The following SSX2B variants were observed in gnomAD, a reference collection of about 807,000 sequenced individuals.
The protein encoded by SSX2B is SSX family member 2B, also known as protein SSX2.
chrX:52,757,184 A>AG (rs1926271290), intron 5 of SSX2B, among the ~76,000 whole-genome samples: 1 of 5,631 alleles, frequency 1.8e-4, no homozygotes, highest in East Asian at 4.5e-3. Flanking sequence ...AAAAAAAAAA[A>AG]AAAAGAAAGA....
At chrX:52,757,159 C>CAAAAAAAAAAAA (rs55994523) in intron 5 of SSX2B, among the ~76,000 whole-genome samples, 1 of 1,804 alleles carries the variant, frequency 5.5e-4, no homozygotes, top group Non-Finnish European at 1.0e-3. Flanking sequence ...GACTCCGTCT[C>CAAAAAAAAAAAA]AAAAAAAAAA....
chrX:52,757,159 C>CAAAAAAAAA (rs55994523), intron 5 of SSX2B, among the ~76,000 whole-genome samples: 1 of 1,806 alleles, frequency 5.5e-4, no homozygotes, highest in African/African-American at 1.7e-3. Flanking sequence ...GACTCCGTCT[C>CAAAAAAAAA]AAAAAAAAAA....
At chrX:52,757,159 C>CA (rs55994523) in intron 5 of SSX2B, among the ~76,000 whole-genome samples, 6 of 1,805 alleles carry the variant, frequency 3.3e-3, no homozygotes, top group African/African-American at 5.2e-3. Flanking sequence ...GACTCCGTCT[C>CA]AAAAAAAAAA....
chrX:52,757,159 C>CAAAAAAAA (rs55994523), intron 5 of SSX2B, among the ~76,000 whole-genome samples: 4 of 1,807 alleles, frequency 2.2e-3, no homozygotes, highest in Non-Finnish European at 4.2e-3. Context: ...GACTCCGTCT[C>CAAAAAAAA]AAAAAAAAAA....
intron 5 of SSX2B, among the ~76,000 whole-genome samples, chrX:52,757,159 C>CAAAAAAAAAAAAAAAAAAAAAAA (rs55994523): frequency 5.5e-4 from 1 of 1,806 alleles, no homozygotes; most frequent in Non-Finnish European, 1.0e-3. Flanking sequence ...GACTCCGTCT[C>CAAAAAAAAAAAAAAAAAAAAAAA]AAAAAAAAAA....
chrX:52,757,159 C>CAAA (rs55994523), intron 5 of SSX2B, among the ~76,000 whole-genome samples: 60 of 1,792 alleles, frequency 0.033, 3 homozygotes, highest in Non-Finnish European at 0.04. Context: ...GACTCCGTCT[C>CAAA]AAAAAAAAAA....
intron 5 of SSX2B, among the ~76,000 whole-genome samples, chrX:52,757,159 C>CAAAAAAAAAAAAAAAAAAA (rs55994523): frequency 5.5e-4 from 1 of 1,806 alleles, no homozygotes; most frequent in Non-Finnish European, 1.0e-3. Flanking sequence ...GACTCCGTCT[C>CAAAAAAAAAAAAAAAAAAA]AAAAAAAAAA....
chrX:52,757,159 C>CAAAAAAAAAAAAAAAAA (rs55994523), intron 5 of SSX2B, among the ~76,000 whole-genome samples: 1 of 1,806 alleles, frequency 5.5e-4, no homozygotes, highest in Non-Finnish European at 1.0e-3. Context: ...GACTCCGTCT[C>CAAAAAAAAAAAAAAAAA]AAAAAAAAAA....
At chrX:52,757,159 C>CAAAA (rs55994523) in intron 5 of SSX2B, among the ~76,000 whole-genome samples, 35 of 1,787 alleles carry the variant, frequency 0.02, no homozygotes, top group Non-Finnish European at 0.027. Flanking sequence ...GACTCCGTCT[C>CAAAA]AAAAAAAAAA....
Sources: allele counts gnomAD v4.1 joint callset (sites outside exome capture counted in the v4.1 genomes callset), GRCh38; gene constraint gnomAD v4.1.1; transcripts MANE v1.5; gene names NCBI Gene and HGNC (gene_info 2026-07-23, HGNC 2026-07-21).